The following SLAIN1 variants were observed in gnomAD, a reference collection of about 807,000 sequenced individuals.
The protein encoded by SLAIN1 is SLAIN motif-containing protein 1.
SLAIN1 carries 17 observed loss-of-function variants against 55.4 expected under a neutral mutation model. That is an observed-to-expected ratio of 0.31 (90% CI 0.21 to 0.46). The LOEUF (loss-of-function observed/expected upper bound fraction) is 0.46, where lower values mean the gene tolerates loss of function less well. Among genes scored for constraint, SLAIN1 ranks in the 20% least tolerant of loss-of-function variants. The pLI, the probability that SLAIN1 is intolerant of heterozygous loss-of-function variation, is 1.00. For synonymous variants in SLAIN1, 348 were observed against 337.4 expected (o/e 1.03, Z -0.35); for missense variants, 682 against 785.1 (o/e 0.87, Z 1.57).
chr13:77,728,711 C>T (rs1022348936), intron 2 of SLAIN1, among the ~76,000 whole-genome samples: 5 of 152,152 alleles, frequency 3.3e-5, no homozygotes, highest in Admixed American at 1.3e-4. Flanking sequence ...CACAGTTCTG[C>T]GAGTGACCCT....
intron 2 of SLAIN1, among the ~76,000 whole-genome samples, chr13:77,721,904 C>T (rs987713779): frequency 6.7e-6 from 1 of 148,682 alleles, no homozygotes; most frequent in East Asian, 2.0e-4. Context: ...GTTTACCCAC[C>T]CCGGCATTAA....
At chr13:77,716,693 G>A (rs896199622) in intron 1 of SLAIN1, among the ~76,000 whole-genome samples, 1 of 151,992 alleles carries the variant, frequency 6.6e-6, no homozygotes, top group Non-Finnish European at 1.5e-5. Flanking sequence ...ATATATATAA[G>A]TATACAATTG....
chr13:77,727,927 T>C (rs897590606), intron 2 of SLAIN1, among the ~76,000 whole-genome samples: 5 of 152,206 alleles, frequency 3.3e-5, no homozygotes, highest in Non-Finnish European at 5.9e-5. Context: ...CAGGGAATCC[T>C]CTTTGCCTGG....
At chr13:77,706,345 T>C (rs2091090047) in intron 1 of SLAIN1, among the ~76,000 whole-genome samples, 1 of 152,164 alleles carries the variant, frequency 6.6e-6, no homozygotes, top group African/African-American at 2.4e-5. Context: ...ACATGTATTT[T>C]CTCTGACCCC....
At chr13:77,739,955 G>GA (rs146716361) in intron 2 of SLAIN1, among the ~76,000 whole-genome samples, 5 of 151,198 alleles carry the variant, frequency 3.3e-5, no homozygotes, top group Non-Finnish European at 4.4e-5. Context: ...TTATATTTTT[G>GA]AAAAAAAATG....
At chr13:77,743,231 T>C in intron 2 of SLAIN1, 1 of 1,163,016 alleles carries the variant, frequency 8.6e-7, no homozygotes, top group South Asian at 1.4e-5. Context: ...GGCTTAAATA[T>C]TCATCTTTCA....
intron 5 of SLAIN1, among the ~76,000 whole-genome samples, chr13:77,754,044 T>C (rs563170869): frequency 6.6e-6 from 1 of 152,296 alleles, no homozygotes; most frequent in Admixed American, 6.5e-5. Flanking sequence ...TCATGCTGTC[T>C]ATATGGGTTG....
At position 77,721,280 on chromosome 13, in the gene SLAIN1, C is replaced by T. The variant is rs564591887; in HGVS notation, c.766+1609C>T. On this transcript the variant is annotated intron_variant, in intron 2 of 6. Coordinates refer to ENST00000418532, the MANE Select transcript of SLAIN1 (RefSeq NM_001242868.2). ...ATGTGCCTTGCTTCCCCTTTACCTT[C>T]CACTATGATTGCAAGTTTTCTGAGG... 2.6e-5 allele frequency among the ~76,000 whole-genome samples: 4 copies of T among 152,272 alleles called. No homozygotes were observed. The East Asian group carries it at 5.8e-4, about 22-fold the overall frequency.
At chr13:77,735,492 A>G (rs972195869) in intron 2 of SLAIN1, among the ~76,000 whole-genome samples, 2 of 152,154 alleles carry the variant, frequency 1.3e-5, no homozygotes, top group African/African-American at 2.4e-5. Context: ...CACTATGGCC[A>G]TATCTGTTTT....
At position 77,746,758 on chromosome 13, in the gene SLAIN1, C is replaced by G. The variant is rs1311633276; in HGVS notation, c.1161C>G (p.Pro387=). 2 of 1,613,820 alleles carry G rather than the reference C, an allele frequency of 1.2e-6. No individual in the cohort carries two copies. The highest frequency in any genetic ancestry group is 4.5e-5 in the East Asian group (2 of 44,864). Residue 387 remains proline (P), a synonymous_variant, in exon 4 of 7, where the codon CCC becomes CCG. Transcript: ENST00000418532. ...GCATTCGGGAGTGTAGGAGGAGCCC[C>G]AGTTCCCAGTATTTTCCTTCAAATA... The part of the protein sequence containing the change: ...FSSIRECRRS[P]SSQYFPSNNY...
At chr13:77,737,279 T>C (rs1321801349) in intron 2 of SLAIN1, among the ~76,000 whole-genome samples, 3 of 152,048 alleles carry the variant, frequency 2.0e-5, no homozygotes, top group Non-Finnish European at 4.4e-5. Context: ...TTTCTGCTTG[T>C]GCTTTTGTTC....
chr13:77,751,082 G>C (rs1363724136), intron 4 of SLAIN1, among the ~76,000 whole-genome samples: 1 of 152,082 alleles, frequency 6.6e-6, no homozygotes, highest in East Asian at 1.9e-4. Flanking sequence ...ATTTTGACTT[G>C]AATGCCTTTT....
intron 2 of SLAIN1, among the ~76,000 whole-genome samples, chr13:77,722,076 T>C (rs915223426): frequency 2.0e-5 from 3 of 151,732 alleles, no homozygotes; most frequent in African/African-American, 7.3e-5. Flanking sequence ...TTATCCGATT[T>C]TCCTTTCATT....
intron 2 of SLAIN1, among the ~76,000 whole-genome samples, chr13:77,735,031 AAAAT>A (rs888420309): frequency 1.6e-4 from 25 of 152,150 alleles, no homozygotes; most frequent in African/African-American, 3.6e-4. Flanking sequence ...AAATAAAATA[AAAAT>A]AAATAAATAA....
rs140886411 is a variant in SLAIN1, at chr13:77,740,979, G to A, written c.767-3304G>A. ...CTTCAATGCTAAACAACAATGTAGA[G>A]CATTCTTTCTTGCAATAGACGCTAA... On this transcript the variant is annotated intron_variant, in intron 2 of 6. Coordinates refer to ENST00000418532, the MANE Select transcript of SLAIN1 (RefSeq NM_001242868.2). Among the ~76,000 whole-genome samples, 305 of 152,136 alleles carry A rather than the reference G, an allele frequency of 2.0e-3. 1 individual carries two copies. Among genetic ancestry groups the A allele is most frequent in the African/African-American group, 7.1e-3 (296 of 41,536 alleles).
intron 4 of SLAIN1, among the ~76,000 whole-genome samples, chr13:77,752,451 T>C (rs561969326): frequency 6.6e-6 from 1 of 152,258 alleles, no homozygotes; most frequent in African/African-American, 2.4e-5. Context: ...AGTCTTTTTA[T>C]AGAAGTTTCG....
rs111674730 is a variant in SLAIN1, at chr13:77,742,160, A to G, written c.767-2123A>G. The stretch of plus-strand genomic sequence containing the variant: ...TGGTAATTTTGGAGGGGAGAAGTAC[A>G]TTAATTAGACAAGTGAGGTAATGTA... On this transcript the variant is annotated intron_variant, in intron 2 of 6. Transcript: ENST00000418532. Among the ~76,000 whole-genome samples, 965 of 152,038 alleles carry G rather than the reference A, an allele frequency of 6.3e-3. 5 individuals carry two copies. Among genetic ancestry groups the G allele is most frequent in the Non-Finnish European group, 9.5e-3 (643 of 67,934 alleles).
At chr13:77,749,056 T>C (rs1469161722) in intron 4 of SLAIN1, among the ~76,000 whole-genome samples, 3 of 152,184 alleles carry the variant, frequency 2.0e-5, no homozygotes, top group African/African-American at 7.2e-5. Context: ...TAGCCTGCAT[T>C]TGTTACTATA....
intron 2 of SLAIN1, among the ~76,000 whole-genome samples, chr13:77,730,168 A>G (rs1305878056): frequency 6.6e-6 from 1 of 152,140 alleles, no homozygotes; most frequent in African/African-American, 2.4e-5. Context: ...GAAACTAGAC[A>G]TGTGTGCAGC....
Sources: allele counts gnomAD v4.1 joint callset (sites outside exome capture counted in the v4.1 genomes callset), GRCh38; gene constraint gnomAD v4.1.1; transcripts MANE v1.5; gene names NCBI Gene and HGNC (gene_info 2026-07-23, HGNC 2026-07-21).